AXIN1: variants seen among roughly 807,000 people sequenced by gnomAD.
AXIN1 encodes axin 1.
Under a neutral mutation model 76.4 loss-of-function variants are expected in AXIN1, and 30 were observed. The ratio of observed to expected loss-of-function variants is 0.39; its 90% CI spans 0.29 to 0.53. The LOEUF (loss-of-function observed/expected upper bound fraction) is 0.53. Ranked by LOEUF, AXIN1 falls within the 20% of genes least tolerant of loss-of-function variation. The pLI is 0.66. For missense variants in AXIN1, 1,140 were observed against 1,198.8 expected, an observed-to-expected ratio of 0.95 and a Z score of 0.72; for synonymous variants, 545 against 501.4, an observed-to-expected ratio of 1.09 and a Z score of -1.16.
intron 2 of AXIN1, among the ~76,000 whole-genome samples, chr16:330,024 C>T (rs1186672279): frequency 6.6e-6 from 1 of 151,858 alleles, no homozygotes; most frequent in Non-Finnish European, 1.5e-5. Flanking sequence ...CCTCGACCTT[C>T]CAAAGTACTG....
At chr16:314,752 CAT>C in intron 2 of AXIN1, 69 bp from the exon 3 acceptor site, 1 of 1,596,452 alleles carries the variant, frequency 6.3e-7, no homozygotes, top group Non-Finnish European at 8.5e-7. Context: ...TTCACATTTT[CAT>C]GTTATCTGAA....
chr16:290,019 C>T, intron 9 of AXIN1: 1 of 292,302 alleles, frequency 3.4e-6, no homozygotes, highest in South Asian at 3.5e-5. Flanking sequence ...TCTGGATAAG[C>T]CTGACCCCGC....
intron 4 of AXIN1, among the ~76,000 whole-genome samples, chr16:306,179 G>A (rs950261928): frequency 9.2e-5 from 14 of 151,494 alleles, no homozygotes; most frequent in African/African-American, 1.9e-4. Context: ...ACACACACAC[G>A]CACACACACA....
intron 2 of AXIN1, among the ~76,000 whole-genome samples, chr16:319,860 T>C (rs1469855018): frequency 6.6e-6 from 1 of 152,246 alleles, no homozygotes; most frequent in African/African-American, 2.4e-5. Flanking sequence ...TTACATTTAG[T>C]GTGATGTGGA....
chr16:318,711 C>T (rs866334429), intron 2 of AXIN1, among the ~76,000 whole-genome samples: 3 of 152,320 alleles, frequency 2.0e-5, no homozygotes, highest in Admixed American at 6.5e-5. Context: ...TGCATGCCCA[C>T]GTATCCATCT....
rs773145312 is a variant in AXIN1, at chr16:297,690, AG to A, written c.1784+31del. On this transcript the variant is annotated intron_variant, in intron 6 of 10. Transcript: ENST00000262320. ...TCTGCAGGGACACAGCCTCACCCCA[AG>A]CCCCCTCCTCACTGACAGGCGCACG... 8.9e-6 allele frequency: 14 copies of A among 1,574,576 alleles called. No individual in the cohort carries two copies. The South Asian group carries it at 1.6e-4, about 18-fold the overall frequency.
intron 4 of AXIN1, among the ~76,000 whole-genome samples, chr16:305,870 G>C (rs1150188): frequency 0.34 from 52,243 of 151,964 alleles, 9,329 homozygotes; most frequent in Non-Finnish European, 0.39. Context: ...TAAAAATAGA[G>C]ATGGGGGTCT....
chr16:337,371 A>C (rs1238133205), intron 2 of AXIN1, among the ~76,000 whole-genome samples: 1 of 151,990 alleles, frequency 6.6e-6, no homozygotes, highest in East Asian at 1.9e-4. Context: ...TGGGCATTCA[A>C]GTCATCCTAT....
rs185857367 is a variant in AXIN1, at chr16:338,720, C to T, written c.878+7428G>A. ...GGCGGACCACTTAAGGTCAAGATTTCGAGACCAGCCTGGCCAACATGGCGA... is the reference window on the plus strand; with the variant it reads ...GGCGGACCACTTAAGGTCAAGATTTTGAGACCAGCCTGGCCAACATGGCGA... On this transcript the variant is annotated intron_variant, in intron 2 of 10. Coordinates refer to ENST00000262320, the MANE Select transcript of AXIN1 (RefSeq NM_003502.4). Among the ~76,000 whole-genome samples, 671 of 152,222 alleles carry T rather than the reference C, an allele frequency of 4.4e-3. 8 individuals carry two copies. The highest frequency in any genetic ancestry group is 0.015 in the African/African-American group (637 of 41,532).
intron 5 of AXIN1, among the ~76,000 whole-genome samples, chr16:302,487 C>T (rs753736023): frequency 2.0e-5 from 3 of 152,252 alleles, no homozygotes; most frequent in African/African-American, 4.8e-5. Context: ...CCATCTGCAG[C>T]GACCACACCT....
chr16:326,368 A>ATTATATATATAT (rs1555483785), intron 2 of AXIN1, among the ~76,000 whole-genome samples: 1 of 90,444 alleles, frequency 1.1e-5, no homozygotes, highest in African/African-American at 6.0e-5. Context: ...AAAAAAAAAA[A>ATTATATATATAT]AAAAATATAT....
At chr16:337,205 G>GA (rs1428341180) in intron 2 of AXIN1, among the ~76,000 whole-genome samples, 2 of 97,756 alleles carry the variant, frequency 2.0e-5, no homozygotes, top group African/African-American at 7.5e-5. Context: ...CCTTTTTAAA[G>GA]AAAAAATGTG....
intron 1 of AXIN1, among the ~76,000 whole-genome samples, chr16:351,466 C>T (rs1417008387): frequency 6.6e-6 from 1 of 152,076 alleles, no homozygotes; most frequent in Non-Finnish European, 1.5e-5. Context: ...AAAAATTAGC[C>T]GGATGTGGTG....
chr16:332,381 T>C (rs1003700229), intron 2 of AXIN1, among the ~76,000 whole-genome samples: 2 of 151,440 alleles, frequency 1.3e-5, no homozygotes, highest in South Asian at 2.1e-4. Flanking sequence ...ATGGAGACCA[T>C]CCTGGCTAAC....
intron 2 of AXIN1, among the ~76,000 whole-genome samples, chr16:323,720 G>A (rs1382622105): frequency 6.6e-6 from 1 of 151,788 alleles, no homozygotes; most frequent in Non-Finnish European, 1.5e-5. Context: ...GGCGGAGCTT[G>A]CAGTGAGATG....
rs1463645426 is a variant in AXIN1 at position 290,839 on chromosome 16, G to T, written c.2294+351C>A. The T allele has an allele frequency of 1.4e-4, 59 of 407,874 alleles. No homozygotes were observed. The Admixed American group carries it at 2.1e-3, about 15-fold the overall frequency. 25.3% of individuals were successfully genotyped at this position (407,874 alleles called of 1,614,324 possible). ...CCCCGAGCCTGGTCAAGTCAGGCCT[G>T]GCAGGGACCGGCCCGTTCCAAGCCG... On this transcript the variant is annotated intron_variant, in intron 9 of 10. Coordinates refer to ENST00000262320, the MANE Select transcript of AXIN1 (RefSeq NM_003502.4).
intron 2 of AXIN1, among the ~76,000 whole-genome samples, chr16:337,996 C>A (rs1472489698): frequency 6.6e-6 from 1 of 152,188 alleles, no homozygotes; most frequent in East Asian, 1.9e-4. Flanking sequence ...GTTATTCTCA[C>A]AGATGTGACA....
At position 288,179 on chromosome 16, in the gene AXIN1, C is replaced by T. The variant is rs745345528; in HGVS notation, c.2532G>A (p.Glu844=). 87 of 1,613,594 alleles carry T rather than the reference C, an allele frequency of 5.4e-5. No individual in the cohort carries two copies. The highest frequency in any genetic ancestry group is 7.1e-5 in the Non-Finnish European group (84 of 1,180,020). Residue 844 remains glutamate, a synonymous_variant, in exon 11 of 11, where the codon GAG becomes GAA. Coordinates refer to ENST00000262320, the MANE Select transcript of AXIN1 (RefSeq NM_003502.4). ...TCTCCTCAAAGACGGGCAGGACGGCCTCGTCCTCTCGAACCTCCTCAAACA... is the reference window on the plus strand; with the variant it reads ...TCTCCTCAAAGACGGGCAGGACGGCTTCGTCCTCTCGAACCTCCTCAAACA... ...GVVFEEVRED[E]AVLPVFEEKI...
At chr16:341,752 C>T (rs141523155) in intron 2 of AXIN1, among the ~76,000 whole-genome samples, 11,009 of 151,612 alleles carry the variant, frequency 0.073, 415 homozygotes, top group African/African-American at 0.082. Flanking sequence ...AGCTCAGGGA[C>T]TGTAAATACA....
Sources: gnomAD v4.1 joint callset for allele counts (sites outside exome capture counted in the v4.1 genomes callset) on GRCh38, gnomAD v4.1.1 for gene constraint, MANE v1.5 for transcripts, NCBI Gene and HGNC (gene_info 2026-07-23, HGNC 2026-07-21) for gene names.